The following KPNA4 variants were observed in gnomAD, a reference collection of about 807,000 sequenced individuals.
The protein encoded by KPNA4 is importin subunit alpha-3.
In KPNA4, 13 loss-of-function variants were observed where a neutral mutation model predicts 71.3. The observed-to-expected ratio is 0.18, with a 90% CI of 0.12 to 0.29. The LOEUF (loss-of-function observed/expected upper bound fraction) is 0.29, where lower values mean the gene tolerates loss of function less well. Ranked by LOEUF, KPNA4 falls within the 10% of genes least tolerant of loss-of-function variation. KPNA4 has a pLI of 1.00. For missense variants in KPNA4, 334 were observed against 603.2 expected (o/e 0.55, Z 4.67); for synonymous variants, 189 against 195.2 (o/e 0.97, Z 0.26).
chr3:160,554,983 T>C (rs1036549703), intron 1 of KPNA4, among the ~76,000 whole-genome samples: 1 of 152,250 alleles, frequency 6.6e-6, no homozygotes, highest in Non-Finnish European at 1.5e-5. Context: ...ACTCTATGTA[T>C]AGCCAGTCAG....
intron 8 of KPNA4, among the ~76,000 whole-genome samples, chr3:160,527,472 T>C (rs1341346317): frequency 1.3e-5 from 2 of 152,234 alleles, no homozygotes; most frequent in Non-Finnish European, 2.9e-5. Flanking sequence ...CTATATTTTA[T>C]ACATTACTAA....
chr3:160,531,327 T>C (rs766914906), intron 6 of KPNA4, 135 bp downstream of exon 6: 5 of 490,598 alleles, frequency 1.0e-5, no homozygotes, highest in Non-Finnish European at 1.8e-5. Flanking sequence ...CTTGCACTGC[T>C]TTTCACTTTG....
intron 13 of KPNA4, among the ~76,000 whole-genome samples, chr3:160,511,469 A>G (rs1026945019): frequency 1.3e-5 from 2 of 152,164 alleles, no homozygotes; most frequent in African/African-American, 4.8e-5. Context: ...TCATTAATAG[A>G]TTGACTTCAT....
At chr3:160,507,192 A>C (rs950063106) in intron 15 of KPNA4, among the ~76,000 whole-genome samples, 10 of 152,128 alleles carry the variant, frequency 6.6e-5, no homozygotes, top group Non-Finnish European at 1.5e-4. Flanking sequence ...CTACTGTGCC[A>C]TAAAGCTTGT....
intron 1 of KPNA4, among the ~76,000 whole-genome samples, chr3:160,538,300 G>C (rs1233102157): frequency 6.6e-6 from 1 of 151,972 alleles, no homozygotes; most frequent in African/African-American, 2.4e-5. Flanking sequence ...ATGGGATCTA[G>C]CAGTGGGTCT....
At position 160,512,361 on chromosome 3, in the gene KPNA4, C is replaced by A. The variant is rs576085491; in HGVS notation, c.1137+1716G>T. On this transcript the variant is annotated intron_variant, in intron 13 of 16. Transcript: ENST00000334256. ...ACAAACAGAGTATCAAAAAGAGTAA[C>A]AACTAAAAGGTATTAAAACTTGCAA... 1.9e-3 allele frequency among the ~76,000 whole-genome samples: 283 copies of A among 151,958 alleles called. 7 individuals carry two copies. Among genetic ancestry groups the A allele is most frequent in the Admixed American group, 0.018 (277 of 15,268 alleles).
chr3:160,555,712 T>A (rs1000050200), intron 1 of KPNA4, among the ~76,000 whole-genome samples: 4 of 152,194 alleles, frequency 2.6e-5, no homozygotes, highest in Non-Finnish European at 5.9e-5. Context: ...TGAACTATTA[T>A]ACTTCATTTT....
chr3:160,505,174 G>T, intron 15 of KPNA4, 122 bp from the exon 16 acceptor site: 1 of 417,910 alleles, frequency 2.4e-6, no homozygotes, highest in Non-Finnish European at 4.1e-6. Context: ...ATAATTTTTG[G>T]GAATTTAAAG....
intron 1 of KPNA4, among the ~76,000 whole-genome samples, chr3:160,551,946 G>GGC (rs1177886311): frequency 1.4e-5 from 2 of 143,400 alleles, no homozygotes; most frequent in Non-Finnish European, 3.1e-5. Flanking sequence ...AACTGGGGGG[G>GGC]GGGGGGTGAT....
At chr3:160,550,156 A>G (rs1312460855) in intron 1 of KPNA4, among the ~76,000 whole-genome samples, 2 of 152,188 alleles carry the variant, frequency 1.3e-5, no homozygotes, top group Non-Finnish European at 2.9e-5. Context: ...GTGAACAGAG[A>G]TAATTTTACA....
chr3:160,528,302 T>G (rs1577053845), intron 7 of KPNA4, among the ~76,000 whole-genome samples: 1 of 152,174 alleles, frequency 6.6e-6, no homozygotes, highest in African/African-American at 2.4e-5. Flanking sequence ...CTGGAATTAA[T>G]TTCAAGATTA....
At chr3:160,529,191 C>G (rs974501903) in intron 7 of KPNA4, among the ~76,000 whole-genome samples, 2 of 152,168 alleles carry the variant, frequency 1.3e-5, no homozygotes, top group African/African-American at 4.8e-5. Context: ...GCCTCAGCCT[C>G]CCTAAGTGCT....
intron 15 of KPNA4, among the ~76,000 whole-genome samples, chr3:160,505,257 G>A (rs186696912): frequency 1.6e-3 from 246 of 152,188 alleles, no homozygotes; most frequent in African/African-American, 5.7e-3. Context: ...CAACCTGAGT[G>A]TCTAACTGCT....
At chr3:160,516,982 T>A (rs564854694) in intron 11 of KPNA4, among the ~76,000 whole-genome samples, 9 of 152,148 alleles carry the variant, frequency 5.9e-5, no homozygotes, top group Admixed American at 5.9e-4. Flanking sequence ...ATAAAATTCA[T>A]ATAACATAAA....
rs1318735026 is a variant in KPNA4, at chr3:160,501,169, C to T, written c.*935G>A. On this transcript the variant is annotated 3_prime_UTR_variant, in exon 17 of 17. Coordinates refer to ENST00000334256, the MANE Select transcript of KPNA4 (RefSeq NM_002268.5). ...AGTTTTGATGATATGGAAAGCTTTT[C>T]ATAGCATCAAACATTCATCTGGTGC... 6.6e-6 allele frequency: 1 copy of T among 151,980 alleles called. No homozygotes were observed. The highest frequency in any genetic ancestry group is 1.5e-5 in the Non-Finnish European group (1 of 67,968). The allele number at this position is 151,980 out of a possible 1,614,324, so 9.4% of individuals were successfully genotyped here.
At chr3:160,517,932 G>A (rs1721261838) in intron 11 of KPNA4, among the ~76,000 whole-genome samples, 1 of 151,986 alleles carries the variant, frequency 6.6e-6, no homozygotes, top group Non-Finnish European at 1.5e-5. Context: ...TCACTTTCTT[G>A]ATGGTGTTCT....
At chr3:160,510,590 A>C (rs1721070763) in intron 13 of KPNA4, among the ~76,000 whole-genome samples, 1 of 152,198 alleles carries the variant, frequency 6.6e-6, no homozygotes, top group Non-Finnish European at 1.5e-5. Context: ...AATAAAAGAA[A>C]TGCAAATTAA....
chr3:160,538,991 T>G (rs1195544207), intron 1 of KPNA4, among the ~76,000 whole-genome samples: 1 of 152,206 alleles, frequency 6.6e-6, no homozygotes, highest in Non-Finnish European at 1.5e-5. Flanking sequence ...AGCTAAAATA[T>G]GTAAAGTACT....
In KPNA4 at chr3:160,527,955, A is replaced by G; in HGVS notation, c.554T>C (p.Ile185Thr). Residue 185 changes from isoleucine (I) to threonine (T), a missense_variant and splice_region_variant, in exon 8 of 17, where the codon ATA becomes ACA. Coordinates refer to ENST00000334256, the MANE Select transcript of KPNA4 (RefSeq NM_002268.5). ...EQAVWALGNI[I>T]GDGPQCRDYV... ...AGTATTACAAGTTTTATACAAACCT[A>G]TGATATTTCCCAATGCCCACACTGC... 1 of 1,608,898 alleles carries G rather than the reference A, an allele frequency of 6.2e-7. No individual in the cohort carries two copies. Among genetic ancestry groups the G allele is most frequent in the Non-Finnish European group, 8.5e-7 (1 of 1,176,008 alleles).
Sources: allele counts gnomAD v4.1 joint callset (sites outside exome capture counted in the v4.1 genomes callset), GRCh38; gene constraint gnomAD v4.1.1; transcripts MANE v1.5; gene names NCBI Gene and HGNC (gene_info 2026-07-23, HGNC 2026-07-21).